The following NCAM1 variants were observed in gnomAD, a reference collection of about 807,000 sequenced individuals.
The protein encoded by NCAM1 is antigen recognized by monoclonal antibody 5.1H11.
NCAM1 carries 14 observed loss-of-function variants against 109.8 expected under a neutral mutation model. That is an observed-to-expected ratio of 0.13 (90% CI 0.08 to 0.20). NCAM1 has a LOEUF of 0.20. Ranked by LOEUF, NCAM1 falls within the 10% of genes least tolerant of loss-of-function variation. NCAM1 has a pLI of 1.00. For missense variants in NCAM1, 774 were observed against 1,109.9 expected (o/e 0.70, Z 4.30); for synonymous variants, 418 against 442.9 (o/e 0.94, Z 0.70).
chr11:113,186,542 A>C (rs1943513921), intron 1 of NCAM1, among the ~76,000 whole-genome samples: 1 of 152,216 alleles, frequency 6.6e-6, no homozygotes, highest in Non-Finnish European at 1.5e-5. Flanking sequence ...ACAAAGGAAG[A>C]ATTGACCTTT....
rs531445793 is a variant in NCAM1 at position 113,276,832 on chromosome 11, G to T, written c.*1445G>T. On this transcript the variant is annotated 3_prime_UTR_variant, in exon 20 of 20. Transcript: ENST00000316851. The stretch of plus-strand genomic sequence containing the variant: ...AAAATACAGAAACTTTAAGGGGGAT[G>T]GGAGGGGGGGGAGAAGGGAAAAGCC... 1 of 150,832 alleles carries T rather than the reference G, an allele frequency of 6.6e-6. No individual in the cohort carries two copies. The highest frequency in any genetic ancestry group is 1.5e-5 in the Non-Finnish European group (1 of 67,840). 9.3% of individuals were successfully genotyped at this position (150,832 alleles called of 1,614,324 possible).
chr11:113,051,962 T>C (rs1212758334), intron 1 of NCAM1, among the ~76,000 whole-genome samples: 1 of 152,242 alleles, frequency 6.6e-6, no homozygotes, highest in Non-Finnish European at 1.5e-5. Context: ...TAGCGTAAGT[T>C]CTAGGTACCG....
At chr11:113,229,588 T>C (rs1417246626) in intron 9 of NCAM1, among the ~76,000 whole-genome samples, 4 of 152,306 alleles carry the variant, frequency 2.6e-5, no homozygotes, top group Non-Finnish European at 5.9e-5. Context: ...ACTGGGTATA[T>C]ACCCAAAGGA....
intron 1 of NCAM1, among the ~76,000 whole-genome samples, chr11:113,125,942 G>A (rs1450047866): frequency 1.3e-5 from 2 of 151,948 alleles, no homozygotes; most frequent in African/African-American, 4.8e-5. Flanking sequence ...GATCACTTAA[G>A]GTCAGGAGTT....
chr11:113,206,275 A>T (rs1944235538), intron 5 of NCAM1, 95 bp downstream of exon 5: 38 of 1,349,434 alleles, frequency 2.8e-5, no homozygotes, highest in Non-Finnish European at 3.5e-5. Context: ...TGTAAATTAA[A>T]TCCTGTCCTG....
At chr11:113,202,032 T>G (rs900138329) in intron 1 of NCAM1, among the ~76,000 whole-genome samples, 3 of 152,214 alleles carry the variant, frequency 2.0e-5, no homozygotes, top group African/African-American at 7.2e-5. Flanking sequence ...TGTTGCTGTT[T>G]TGGAGCAGGA....
chr11:112,998,466 T>TA (rs1430015970), intron 1 of NCAM1, among the ~76,000 whole-genome samples: 1 of 152,070 alleles, frequency 6.6e-6, no homozygotes, highest in Non-Finnish European at 1.5e-5. Flanking sequence ...GTTCTACTAA[T>TA]AAATTATGGT....
Position 113,081,826 on chromosome 11 carries a change from G to A in NCAM1, c.52+120162G>A, listed in dbSNP as rs1015252029. Among the ~76,000 whole-genome samples, 3 of 152,128 alleles carry A rather than the reference G, an allele frequency of 2.0e-5. No homozygotes were observed. In the East Asian group the frequency reaches 5.8e-4, roughly 29 times the overall value. Reference sequence around the variant, plus strand: ...TGGGACTACAGGCGTGAGCCATCGCGCCGTCTTTTCTTTTTTTCTTTTAAA... The same window carrying A: ...TGGGACTACAGGCGTGAGCCATCGCACCGTCTTTTCTTTTTTTCTTTTAAA... On this transcript the variant is annotated intron_variant, in intron 1 of 19. Transcript: ENST00000316851.
chr11:113,011,370 C>A (rs897437924), intron 1 of NCAM1, among the ~76,000 whole-genome samples: 1 of 151,624 alleles, frequency 6.6e-6, no homozygotes, highest in Non-Finnish European at 1.5e-5. Flanking sequence ...CATTGTTGGA[C>A]ATTTGGGTTG....
chr11:113,161,310 C>T (rs1942593077), intron 1 of NCAM1, among the ~76,000 whole-genome samples: 1 of 152,162 alleles, frequency 6.6e-6, no homozygotes, highest in African/African-American at 2.4e-5. Flanking sequence ...TTCATTTCTG[C>T]TCCTTACATC....
At chr11:113,185,079 T>TATATAGAGAGAG in intron 1 of NCAM1, among the ~76,000 whole-genome samples, 4 of 125,748 alleles carry the variant, frequency 3.2e-5, no homozygotes, top group East Asian at 5.7e-4. Flanking sequence ...TATATATATA[T>TATATAGAGAGAG]AGAGAGAGAG....
intron 17 of NCAM1, among the ~76,000 whole-genome samples, chr11:113,260,698 A>T (rs1011443880): frequency 1.2e-4 from 19 of 152,120 alleles, no homozygotes; most frequent in Non-Finnish European, 2.4e-4. Context: ...TACTTGGACC[A>T]CATAACTGTT....
intron 1 of NCAM1, among the ~76,000 whole-genome samples, chr11:113,077,305 A>C (rs1442459981): frequency 2.0e-5 from 3 of 152,196 alleles, no homozygotes; most frequent in East Asian, 3.9e-4. Flanking sequence ...TTGTATTTTG[A>C]TCTTGATATA....
At chr11:113,108,996 G>A (rs893108217) in intron 1 of NCAM1, among the ~76,000 whole-genome samples, 3 of 150,552 alleles carry the variant, frequency 2.0e-5, no homozygotes, top group African/African-American at 7.3e-5. Context: ...CAAAGTGCTG[G>A]GATTACAGGC....
rs1357334993 is a variant in NCAM1, at chr11:113,135,230, T to C, written c.53-67149T>C. Reference sequence around the variant, plus strand: ...CTGGGAACAGCTTCTATAGGCAGAGTTGGGGTTCACCTTCAGATAGCCAAG... The same window carrying C: ...CTGGGAACAGCTTCTATAGGCAGAGCTGGGGTTCACCTTCAGATAGCCAAG... On this transcript the variant is annotated intron_variant, in intron 1 of 19. Transcript: ENST00000316851. Among the ~76,000 whole-genome samples, 6 of 152,044 alleles carry C rather than the reference T, an allele frequency of 3.9e-5. No homozygotes were observed. The East Asian group carries it at 5.8e-4, about 15-fold the overall frequency.
At chr11:113,155,500 C>T (rs1418246257) in intron 1 of NCAM1, among the ~76,000 whole-genome samples, 1 of 150,668 alleles carries the variant, frequency 6.6e-6, no homozygotes, top group African/African-American at 2.4e-5. Context: ...CAGAGTGAGG[C>T]TCCATCTTAA....
chr11:113,119,256 C>T (rs1555095549), intron 1 of NCAM1, among the ~76,000 whole-genome samples: 1 of 152,158 alleles, frequency 6.6e-6, no homozygotes, highest in African/African-American at 2.4e-5. Flanking sequence ...GAGCCCTAGA[C>T]CTGCCACATG....
At chr11:113,236,384 T>C (rs1945168633) in intron 14 of NCAM1, 4 of 1,548,626 alleles carry the variant, frequency 2.6e-6, no homozygotes, top group Non-Finnish European at 3.6e-6. Context: ...AGTTCGTAAT[T>C]TAGTTCTGGT....
chr11:113,172,043 T>C (rs1419039243), intron 1 of NCAM1, among the ~76,000 whole-genome samples: 3 of 152,114 alleles, frequency 2.0e-5, no homozygotes, highest in African/African-American at 7.2e-5. Context: ...ACCTGGACAG[T>C]ACCATAGTAC....
Sources: gnomAD v4.1 joint callset for allele counts (sites outside exome capture counted in the v4.1 genomes callset) on GRCh38, gnomAD v4.1.1 for gene constraint, MANE v1.5 for transcripts, NCBI Gene and HGNC (gene_info 2026-07-23, HGNC 2026-07-21) for gene names.